Variants in TRIM51G observed in about 807,000 individuals in gnomAD.
The protein encoded by TRIM51G is tripartite motif-containing 51G.
chr11:48,981,351 G>A, the TRIM51G span: 1 of 1,607,494 alleles, frequency 6.2e-7, no homozygotes, highest in African/African-American at 1.3e-5. Flanking sequence ...GAGAGTTGGA[G>A]CACAGCAAAC....
At chr11:48,979,184 C>G in the TRIM51G span, 1 of 632,816 alleles carries the variant, frequency 1.6e-6, no homozygotes, top group Non-Finnish European at 3.0e-6. Context: ...ATTCTGAACA[C>G]CCAATATTTT....
At chr11:48,975,813 C>G in the TRIM51G span, 1 of 1,477,956 alleles carries the variant, frequency 6.8e-7, no homozygotes, top group Non-Finnish European at 9.4e-7. Context: ...TCCAAGAGTG[C>G]CCCATGTTAA....
the TRIM51G span, among the ~76,000 whole-genome samples, chr11:48,978,415 C>A: frequency 2.0e-5 from 3 of 152,104 alleles, no homozygotes; most frequent in African/African-American, 4.8e-5. Flanking sequence ...CTATGCTCTG[C>A]TGTAACCATG....
chr11:48,976,257 T>C, the TRIM51G span, among the ~76,000 whole-genome samples: 1 of 152,178 alleles, frequency 6.6e-6, no homozygotes, highest in Non-Finnish European at 1.5e-5. Context: ...CAGCCTGTTT[T>C]AATCCCATCT....
the TRIM51G span, chr11:48,976,066 G>A: frequency 2.9e-5 from 11 of 385,554 alleles, no homozygotes; most frequent in African/African-American, 2.3e-4. Flanking sequence ...TGAGGGAAAA[G>A]TTGTTCTACC....
the TRIM51G span, chr11:48,981,434 A>T: frequency 3.7e-6 from 6 of 1,607,702 alleles, no homozygotes; most frequent in Non-Finnish European, 4.3e-6. Context: ...TGCTCCTCAG[A>T]GCTAAGGAAT....
chr11:48,977,351 T>G, the TRIM51G span, among the ~76,000 whole-genome samples: 1 of 152,196 alleles, frequency 6.6e-6, no homozygotes. Context: ...TTCCTCATTT[T>G]CAAGCACGAT....
chr11:48,981,308 C>G, the TRIM51G span: 2 of 1,606,168 alleles, frequency 1.2e-6, no homozygotes, highest in Non-Finnish European at 1.7e-6. Context: ...GCAGCCCACT[C>G]AGTGGGACAG....
At chr11:48,980,461 G>A in the TRIM51G span, among the ~76,000 whole-genome samples, 1 of 152,014 alleles carries the variant, frequency 6.6e-6, no homozygotes, top group South Asian at 2.1e-4. Context: ...CTTTCCCTAA[G>A]GTTGCACTCT....
Sources: allele counts gnomAD v4.1 joint callset (sites outside exome capture counted in the v4.1 genomes callset), GRCh38; gene constraint gnomAD v4.1.1; transcripts MANE v1.5; gene names NCBI Gene and HGNC (gene_info 2026-07-23, HGNC 2026-07-21).